Variants in BNC2 observed in about 807,000 individuals in gnomAD.
The protein encoded by BNC2 is zinc finger protein basonuclin-2.
Under a neutral mutation model 76.3 loss-of-function variants are expected in BNC2, and 20 were observed. The ratio of observed to expected loss-of-function variants is 0.26; its 90% confidence interval spans 0.18 to 0.38. The LOEUF (loss-of-function observed/expected upper bound fraction) is 0.38. BNC2 is among the 10% of genes least tolerant of loss of function. The probability of loss-of-function intolerance (pLI) is 1.00; values close to 1 mark genes in which losing one functional copy is unlikely to be tolerated. For missense variants in BNC2, 1,382 were observed against 1,399.8 expected (o/e 0.99, Z 0.20); for synonymous variants, 582 against 514.8 (o/e 1.13, Z -1.77).
chr9:16,745,895 T>G (rs1328142800), intron 1 of BNC2, among the ~76,000 whole-genome samples: 1 of 152,210 alleles, frequency 6.6e-6, no homozygotes, highest in Non-Finnish European at 1.5e-5. Flanking sequence ...TCAAATATAT[T>G]TGCTTTAACT....
At chr9:16,839,125 A>C (rs991607132) in intron 1 of BNC2, among the ~76,000 whole-genome samples, 3 of 152,234 alleles carry the variant, frequency 2.0e-5, no homozygotes, top group African/African-American at 7.2e-5. Context: ...AACTGTTAAC[A>C]ATTCTGGATA....
chr9:16,713,639 G>C (rs12001911), intron 3 of BNC2, among the ~76,000 whole-genome samples: 2 of 152,026 alleles, frequency 1.3e-5, no homozygotes, highest in Non-Finnish European at 2.9e-5. Flanking sequence ...TGTCAACTTA[G>C]AAATAACTGC....
chr9:16,606,143 G>C (rs891631612), intron 3 of BNC2, among the ~76,000 whole-genome samples: 2 of 152,124 alleles, frequency 1.3e-5, no homozygotes, highest in African/African-American at 2.4e-5. Flanking sequence ...TCCTAAGTAA[G>C]AGAAGTAATT....
At chr9:16,835,169 C>T (rs1818673395) in intron 1 of BNC2, among the ~76,000 whole-genome samples, 1 of 152,190 alleles carries the variant, frequency 6.6e-6, no homozygotes, top group Admixed American at 6.5e-5. Flanking sequence ...TTAAGAACAG[C>T]AACTTCATAT....
At chr9:16,749,425 G>A (rs540404194) in intron 1 of BNC2, among the ~76,000 whole-genome samples, 2 of 152,100 alleles carry the variant, frequency 1.3e-5, no homozygotes, top group Non-Finnish European at 2.9e-5. Context: ...GGGGAAGCAC[G>A]AATAAAAGTA....
At chr9:16,472,333 A>G (rs1279297864) in intron 5 of BNC2, among the ~76,000 whole-genome samples, 1 of 152,216 alleles carries the variant, frequency 6.6e-6, no homozygotes, top group Non-Finnish European at 1.5e-5. Flanking sequence ...GGGTAAATAG[A>G]AAAGCTGGTA....
chr9:16,823,876 G>T (rs1014302610), intron 1 of BNC2, among the ~76,000 whole-genome samples: 2 of 152,086 alleles, frequency 1.3e-5, no homozygotes, highest in Non-Finnish European at 2.9e-5. Context: ...AGGTGATTTT[G>T]AAATTTCATT....
intron 1 of BNC2, among the ~76,000 whole-genome samples, chr9:16,864,248 CAT>C (rs1192908595): frequency 6.6e-6 from 1 of 152,054 alleles, no homozygotes; most frequent in African/African-American, 2.4e-5. Flanking sequence ...GATTTTAAAA[CAT>C]ATATATGACA....
At chr9:16,774,741 G>A (rs928043878) in intron 1 of BNC2, among the ~76,000 whole-genome samples, 3 of 152,216 alleles carry the variant, frequency 2.0e-5, no homozygotes, top group East Asian at 1.9e-4. Flanking sequence ...GGTAGCAGTC[G>A]CCATTTTTCT....
chr9:16,694,125 T>C (rs1193591978), intron 3 of BNC2, among the ~76,000 whole-genome samples: 1 of 152,260 alleles, frequency 6.6e-6, no homozygotes, highest in African/African-American at 2.4e-5. Flanking sequence ...TTGCTCTTAC[T>C]TCATCAGAGG....
At chr9:16,659,865 C>T (rs10962525) in intron 3 of BNC2, among the ~76,000 whole-genome samples, 87,943 of 152,036 alleles carry the variant, frequency 0.58, 28,426 homozygotes, top group East Asian at 1. Flanking sequence ...TACTCCCTAT[C>T]TTATATGTTC....
At chr9:16,545,726 G>T (rs573037617) in intron 5 of BNC2, among the ~76,000 whole-genome samples, 16 of 152,232 alleles carry the variant, frequency 1.1e-4, no homozygotes, top group Admixed American at 2.6e-4. Flanking sequence ...TTACAAATCA[G>T]TTCTGGTCAG....
At chr9:16,539,251 G>A (rs1818226602) in intron 5 of BNC2, among the ~76,000 whole-genome samples, 1 of 152,094 alleles carries the variant, frequency 6.6e-6, no homozygotes, top group Non-Finnish European at 1.5e-5. Context: ...GTTGGCTCAC[G>A]TCTGTAACCC....
rs118061553 is a variant in BNC2, at chr9:16,633,981, C to T, written c.331-50896G>A. On this transcript the variant is annotated intron_variant, in intron 3 of 6. Coordinates refer to ENST00000380672, the MANE Select transcript of BNC2 (RefSeq NM_017637.6). ...TAGCAAAAGATAAAACTGTCACAAT[C>T]CATGTAAATGTGCTGACACTGTTTA... is the stretch of plus-strand genomic sequence containing the variant. 2.4e-4 allele frequency among the ~76,000 whole-genome samples: 37 copies of T among 152,294 alleles called. 1 individual carries two copies. Among genetic ancestry groups the T allele is most frequent in the Non-Finnish European group, 4.7e-4 (32 of 68,028 alleles).
chr9:16,695,531 CTTTCT>C (rs1475724616), intron 3 of BNC2, among the ~76,000 whole-genome samples: 5 of 107,862 alleles, frequency 4.6e-5, no homozygotes, highest in East Asian at 2.6e-4. Flanking sequence ...TTTTCTTTTT[CTTTCT>C]TTTTTTTTTT....
intron 1 of BNC2, among the ~76,000 whole-genome samples, chr9:16,776,730 T>C (rs575042011): frequency 6.6e-6 from 1 of 152,248 alleles, no homozygotes; most frequent in Admixed American, 6.5e-5. Context: ...TAATTCCAAA[T>C]TTGAGGTGAT....
intron 3 of BNC2, among the ~76,000 whole-genome samples, chr9:16,620,165 G>T (rs1172169590): frequency 1.3e-5 from 2 of 152,046 alleles, no homozygotes; most frequent in Non-Finnish European, 2.9e-5. Flanking sequence ...ATATGAAAAA[G>T]GGCTACATTT....
intron 1 of BNC2, among the ~76,000 whole-genome samples, chr9:16,870,132 G>A (rs1179924614): frequency 1.1e-4 from 16 of 152,082 alleles, no homozygotes. Flanking sequence ...TCAACGTGCC[G>A]GGCCCGGGCG....
intron 5 of BNC2, among the ~76,000 whole-genome samples, chr9:16,443,324 A>C (rs1194676160): frequency 6.6e-6 from 1 of 152,182 alleles, no homozygotes; most frequent in East Asian, 1.9e-4. Flanking sequence ...AGATTGGCAC[A>C]GTGTGCTATC....
Sources: allele counts gnomAD v4.1 joint callset (sites outside exome capture counted in the v4.1 genomes callset), GRCh38; gene constraint gnomAD v4.1.1; transcripts MANE v1.5; gene names NCBI Gene and HGNC (gene_info 2026-07-23, HGNC 2026-07-21).